The following HKDC1 variants were observed in gnomAD, a reference collection of about 807,000 sequenced individuals.
HKDC1 encodes the protein hexokinase domain containing 1.
Under a neutral mutation model 96.6 loss-of-function variants are expected in HKDC1, and 66 were observed. That is an observed-to-expected ratio of 0.68 (90% confidence interval 0.56 to 0.84). The LOEUF (loss-of-function observed/expected upper bound fraction) is 0.84, where lower values mean the gene tolerates loss of function less well. Among genes scored for constraint, HKDC1 ranks in the 40% least tolerant of loss-of-function variants. The pLI, the probability that HKDC1 is intolerant of heterozygous loss-of-function variation, is 0.00. For synonymous variants in HKDC1, 466 were observed against 473.1 expected (o/e 0.98, Z 0.20); for missense variants, 1,211 against 1,208.1 (o/e 1.00, Z -0.04).
In HKDC1 at chr10:69,227,200, G is replaced by T; in HGVS notation, c.64-7G>T. On this transcript the variant is annotated splice_polypyrimidine_tract_variant and splice_region_variant and intron_variant, in intron 1 of 17. Coordinates refer to ENST00000354624, the MANE Select transcript of HKDC1 (RefSeq NM_025130.4). ...CAGCACCCCTTGGTGGCCGGTGTCT[G>T]TTCCAGGTGGACAGGTTCCTGTATC... 1 of 1,614,076 alleles carries T rather than the reference G, an allele frequency of 6.2e-7. No individual in the cohort carries two copies. Among genetic ancestry groups the T allele is most frequent in the Non-Finnish European group, 8.5e-7 (1 of 1,179,948 alleles).
intron 4 of HKDC1, among the ~76,000 whole-genome samples, chr10:69,237,698 T>G (rs570718831): frequency 6.6e-6 from 1 of 152,188 alleles, no homozygotes; most frequent in Non-Finnish European, 1.5e-5. Flanking sequence ...CCCCGCTCTG[T>G]CCCTGGAGAC....
intron 6 of HKDC1, among the ~76,000 whole-genome samples, chr10:69,242,722 G>A (rs1042022023): frequency 1.3e-5 from 2 of 152,136 alleles, no homozygotes; most frequent in African/African-American, 4.8e-5. Flanking sequence ...TCTAAGATAA[G>A]GATGCAGCTT....
At chr10:69,232,380 A>G in intron 2 of HKDC1, 1 of 213,400 alleles carries the variant, frequency 4.7e-6, no homozygotes, top group Non-Finnish European at 9.4e-6. Context: ...CCTTTATCCG[A>G]GTTTCCCCAG....
At position 69,233,607 on chromosome 10, in the gene HKDC1, G is replaced by C. The variant is rs538919179; in HGVS notation, c.495+474G>C. Among the ~76,000 whole-genome samples, 468 of 152,220 alleles carry C rather than the reference G, an allele frequency of 3.1e-3. 1 individual carries two copies. The highest frequency in any genetic ancestry group is 4.4e-3 in the Admixed American group (67 of 15,298). ...CCCTCAGGAGGAGGATTAGAATGGGGGCACTGGAGGACCAGGCGCGGTGGC... is the reference window on the plus strand; with the variant it reads ...CCCTCAGGAGGAGGATTAGAATGGGCGCACTGGAGGACCAGGCGCGGTGGC... On this transcript the variant is annotated intron_variant, in intron 4 of 17. Transcript: ENST00000354624.
Position 69,246,103 on chromosome 10 carries a change from G to T in HKDC1, c.900G>T (p.Leu300=). The T allele has an allele frequency of 2.5e-6, 4 of 1,614,252 alleles. No individual in the cohort carries two copies. The highest frequency in any genetic ancestry group is 3.4e-6 in the Non-Finnish European group (4 of 1,180,042). The part of the protein sequence containing the change: ...KQLFEKMISG[L]YLGELVRLIL... ...GGTTCGAGAAGATGATCAGTGGCCT[G>T]TACCTGGGGGAGCTTGTCAGGCTTA... is the stretch of plus-strand genomic sequence containing the variant. Residue 300 remains leucine (L), a synonymous_variant, in exon 8 of 18, where the codon CTG becomes CTT. Transcript: ENST00000354624.
At chr10:69,248,784 C>G in intron 10 of HKDC1, 56 bp downstream of exon 10, 2 of 1,474,526 alleles carry the variant, frequency 1.4e-6, no homozygotes, top group Non-Finnish European at 1.8e-6. Flanking sequence ...CGTCAAAACT[C>G]CTTAAAGCCA....
chr10:69,227,154 C>A lies in HKDC1; in HGVS notation c.64-53C>A, dbSNP rs141651118. 3.9e-3 allele frequency: 6,208 copies of A among 1,602,208 alleles called. 16 individuals carry two copies. Among genetic ancestry groups the A allele is most frequent in the Middle Eastern group, 0.015 (89 of 5,966 alleles). ...GGGATGTCGGGGGTTACAGCCTCGA[C>A]TGGAGGGTGAGGGCCCCCAGCAGCA... On this transcript the variant is annotated intron_variant, in intron 1 of 17. Coordinates refer to ENST00000354624, the MANE Select transcript of HKDC1 (RefSeq NM_025130.4).
chr10:69,255,950 C>T (rs1456967235), intron 12 of HKDC1, among the ~76,000 whole-genome samples: 1 of 150,950 alleles, frequency 6.6e-6, no homozygotes, highest in African/African-American at 2.4e-5. Flanking sequence ...CCTACTTTCT[C>T]AGTATTATAA....
intron 16 of HKDC1, among the ~76,000 whole-genome samples, chr10:69,264,857 G>A (rs1843866709): frequency 6.6e-6 from 1 of 152,304 alleles, no homozygotes; most frequent in Non-Finnish European, 1.5e-5. Context: ...TCAGGGCTCC[G>A]TTTAAGTACC....
At chr10:69,253,367 G>T (rs1431354227) in intron 12 of HKDC1, among the ~76,000 whole-genome samples, 2 of 152,182 alleles carry the variant, frequency 1.3e-5, no homozygotes, top group Admixed American at 1.3e-4. Flanking sequence ...TCCGGGCAGG[G>T]ACATGTCCTT....
In HKDC1 at chr10:69,239,061, C is replaced by A; in HGVS notation, c.515C>A (p.Thr172Lys). 6.2e-7 allele frequency: 1 copy of A among 1,613,564 alleles called. No individual in the cohort carries two copies. Among genetic ancestry groups the A allele is most frequent in the Non-Finnish European group, 8.5e-7 (1 of 1,179,622 alleles). Residue 172 changes from threonine (T) to lysine (K), a missense_variant, in exon 5 of 18, where the codon ACA becomes AAA. Thr to Lys is a moderately conservative substitution (Grantham distance 78, BLOSUM62 -1). Transcript: ENST00000354624. ...KLEEGVLLSW[T>K]KKFKARGVQD... is the part of the protein sequence containing the mutation. ...TCCCAGGGTGTCCTACTTTCGTGGACAAAAAAGTTTAAGGCACGAGGAGTT... is the reference window on the plus strand; with the variant it reads ...TCCCAGGGTGTCCTACTTTCGTGGAAAAAAAAGTTTAAGGCACGAGGAGTT...
At chr10:69,254,764 A>G (rs1257811064) in intron 12 of HKDC1, among the ~76,000 whole-genome samples, 1 of 152,236 alleles carries the variant, frequency 6.6e-6, no homozygotes, top group East Asian at 1.9e-4. Flanking sequence ...ATTAGAAAAA[A>G]AAATTGCAAT....
At chr10:69,228,220 G>A (rs562889103) in intron 2 of HKDC1, among the ~76,000 whole-genome samples, 1 of 152,240 alleles carries the variant, frequency 6.6e-6, no homozygotes, top group South Asian at 2.1e-4. Context: ...GCCCCTTTCT[G>A]TTCTCAAAGC....
chr10:69,237,038 A>G (rs1157658125), intron 4 of HKDC1, among the ~76,000 whole-genome samples: 3 of 152,282 alleles, frequency 2.0e-5, no homozygotes, highest in Admixed American at 1.3e-4. Context: ...CTCCTGGGGA[A>G]GATGGGCTCT....
chr10:69,220,438 GTT>G lies in HKDC1; in HGVS notation c.5_6del (p.Phe2CysfsTer32). 6.3e-7 allele frequency: 1 copy of G among 1,599,660 alleles called. No homozygotes were observed. The highest frequency in any genetic ancestry group is 8.5e-7 in the Non-Finnish European group (1 of 1,173,806). On this transcript the variant is annotated frameshift_variant, in exon 1 of 18. Transcript: ENST00000354624. LOFTEE classifies it high-confidence loss of function. M[F>X]AVHLMAFYFS... Reference sequence around the variant, plus strand: ...AGGAGAAACCAAACTTGGGGAAAATGTTTGCGGTCCACTTGATGGCATTTTAC... The same window carrying G: ...AGGAGAAACCAAACTTGGGGAAAATGTGCGGTCCACTTGATGGCATTTTAC...
intron 12 of HKDC1, among the ~76,000 whole-genome samples, chr10:69,252,616 G>C (rs1843660295): frequency 6.9e-6 from 1 of 145,760 alleles, no homozygotes; most frequent in Non-Finnish European, 1.5e-5. Flanking sequence ...CTGCACTCCA[G>C]CCTGGTGACA....
intron 12 of HKDC1, among the ~76,000 whole-genome samples, chr10:69,252,189 A>G (rs1249642017): frequency 1.3e-5 from 2 of 149,886 alleles, no homozygotes; most frequent in Admixed American, 1.4e-4. Flanking sequence ...CATTTATTAC[A>G]AAATCTTTCC....
At chr10:69,255,297 G>T (rs1277353739) in intron 12 of HKDC1, among the ~76,000 whole-genome samples, 1 of 152,254 alleles carries the variant, frequency 6.6e-6, no homozygotes, top group Non-Finnish European at 1.5e-5. Context: ...TTTCCCAGTT[G>T]GGAGTGTCTC....
chr10:69,226,741 G>A (rs1056603737), intron 1 of HKDC1, among the ~76,000 whole-genome samples: 1 of 152,204 alleles, frequency 6.6e-6, no homozygotes, highest in Non-Finnish European at 1.5e-5. Context: ...CTAGCAGCCA[G>A]TAAACAAAGA....
Sources: gnomAD v4.1 joint callset for allele counts (sites outside exome capture counted in the v4.1 genomes callset) on GRCh38, gnomAD v4.1.1 for gene constraint, MANE v1.5 for transcripts, NCBI Gene and HGNC (gene_info 2026-07-23, HGNC 2026-07-21) for gene names.